LRRC49: variants seen among roughly 807,000 people sequenced by gnomAD.
The protein encoded by LRRC49 is leucine rich repeat containing 49.
LRRC49 carries 50 observed loss-of-function variants against 83.3 expected under a neutral mutation model. That is an observed-to-expected ratio of 0.60 (90% CI 0.48 to 0.76). The LOEUF (loss-of-function observed/expected upper bound fraction) is 0.76. Among genes scored for constraint, LRRC49 ranks in the 30% least tolerant of loss-of-function variants. LRRC49 has a pLI of 0.00. For missense variants in LRRC49, 704 were observed against 809.1 expected, an observed-to-expected ratio of 0.87 and a Z score of 1.58; for synonymous variants, 286 against 283.3, an observed-to-expected ratio of 1.01 and a Z score of -0.10.
At chr15:71,013,931 CT>C (rs1446330046) in intron 14 of LRRC49, among the ~76,000 whole-genome samples, 1 of 152,252 alleles carries the variant, frequency 6.6e-6, no homozygotes, top group Admixed American at 6.5e-5. Flanking sequence ...TTTAGCTGCG[CT>C]GAGGATCAGG....
At chr15:70,947,204 C>T (rs1235883317) in intron 8 of LRRC49, among the ~76,000 whole-genome samples, 1 of 152,068 alleles carries the variant, frequency 6.6e-6, no homozygotes, top group Non-Finnish European at 1.5e-5. Context: ...TTAGGGATAT[C>T]CTGAGGATGT....
At chr15:71,001,762 G>A (rs968205811) in intron 11 of LRRC49, among the ~76,000 whole-genome samples, 8 of 152,054 alleles carry the variant, frequency 5.3e-5, no homozygotes, top group Non-Finnish European at 1.0e-4. Flanking sequence ...CACAATCTCG[G>A]CTCACTGCAA....
intron 13 of LRRC49, among the ~76,000 whole-genome samples, chr15:71,011,190 G>A (rs1252685381): frequency 6.6e-6 from 1 of 152,058 alleles, no homozygotes; most frequent in Non-Finnish European, 1.5e-5. Context: ...CTTCCCCCGA[G>A]GTGAGGTTGT....
chr15:70,859,123 C>T, intron 1 of LRRC49: 1 of 1,367,952 alleles, frequency 7.3e-7, no homozygotes, highest in Non-Finnish European at 1.0e-6. Flanking sequence ...ACAACAAGAA[C>T]AACATGTTCC....
chr15:70,948,310 A>C (rs1041306132), intron 8 of LRRC49, among the ~76,000 whole-genome samples: 1 of 152,106 alleles, frequency 6.6e-6, no homozygotes, highest in Non-Finnish European at 1.5e-5. Context: ...CCTAAGTCTA[A>C]CTTTACTTCA....
At chr15:71,020,821 T>C (rs1333511426) in intron 14 of LRRC49, among the ~76,000 whole-genome samples, 1 of 152,166 alleles carries the variant, frequency 6.6e-6, no homozygotes, top group Non-Finnish European at 1.5e-5. Context: ...AAAGAAATTA[T>C]AAAGCTTATA....
intron 11 of LRRC49, among the ~76,000 whole-genome samples, chr15:70,985,945 T>C (rs1008610238): frequency 1.8e-4 from 26 of 144,846 alleles, no homozygotes; most frequent in Admixed American, 1.2e-3. Context: ...GTTGTAGATA[T>C]GCGGCGTTAT....
chr15:70,919,273 T>G, intron 7 of LRRC49, 80 bp downstream of exon 7: 1 of 1,239,512 alleles, frequency 8.1e-7, no homozygotes, highest in Non-Finnish European at 1.1e-6. Context: ...TATGGCTTTC[T>G]GCAAAGTAAG....
intron 11 of LRRC49, among the ~76,000 whole-genome samples, chr15:70,989,695 A>C (rs925866365): frequency 3.3e-5 from 5 of 152,062 alleles, no homozygotes; most frequent in African/African-American, 1.2e-4. Context: ...ACTTTGGAGG[A>C]GGAGAGGCGC....
intron 2 of LRRC49, 64 bp from the exon 3 acceptor site, chr15:70,895,785 T>G: frequency 1.0e-6 from 1 of 958,842 alleles, no homozygotes; most frequent in Non-Finnish European, 1.6e-6. Context: ...TTTTTTTAAT[T>G]TATCTTCACT....
intron 7 of LRRC49, among the ~76,000 whole-genome samples, chr15:70,921,158 A>G (rs773093338): frequency 2.4e-4 from 37 of 152,202 alleles, no homozygotes; most frequent in Non-Finnish European, 4.6e-4. Context: ...TGAATCCCAC[A>G]CATTTGTGAA....
At chr15:70,976,852 C>G (rs1030555152) in intron 9 of LRRC49, among the ~76,000 whole-genome samples, 1 of 151,656 alleles carries the variant, frequency 6.6e-6, no homozygotes, top group African/African-American at 2.4e-5. Context: ...GGTTTTTTTT[C>G]TAAGTTTAGT....
At chr15:70,943,873 A>G (rs2035911162) in intron 8 of LRRC49, among the ~76,000 whole-genome samples, 2 of 152,144 alleles carry the variant, frequency 1.3e-5, no homozygotes, top group Admixed American at 1.3e-4. Context: ...GAAACAGTGT[A>G]ACAACTGCCT....
intron 8 of LRRC49, among the ~76,000 whole-genome samples, chr15:70,944,605 A>G (rs989061254): frequency 6.6e-6 from 1 of 152,042 alleles, no homozygotes; most frequent in Non-Finnish European, 1.5e-5. Flanking sequence ...GGGTTTTACC[A>G]TGTTGGCCAT....
Position 70,936,749 on chromosome 15 carries a change from A to C in LRRC49, c.712-12A>C. On this transcript the variant is annotated splice_polypyrimidine_tract_variant and intron_variant, in intron 7 of 15. Transcript: ENST00000260382. ...TTCATCTGATTAAGTTTTGCTGTCT[A>C]TTTTCTTCCAGAGAGATGTGGATAA... 6.3e-7 allele frequency: 1 copy of C among 1,583,382 alleles called. No individual in the cohort carries two copies. Among genetic ancestry groups the C allele is most frequent in the Middle Eastern group, 1.7e-4 (1 of 6,004 alleles).
chr15:70,932,938 CA>C (rs2035464502), intron 7 of LRRC49, among the ~76,000 whole-genome samples: 1 of 152,022 alleles, frequency 6.6e-6, no homozygotes. Flanking sequence ...CCACACTGGT[CA>C]GGCTGGTCTC....
intron 1 of LRRC49, 61 bp from the exon 2 acceptor site, chr15:70,893,523 T>G: frequency 2.0e-6 from 2 of 1,000,524 alleles, no homozygotes; most frequent in Non-Finnish European, 3.1e-6. Context: ...CCTTTTTTTT[T>G]TTTGGAAATA....
intron 7 of LRRC49, among the ~76,000 whole-genome samples, chr15:70,928,595 T>G (rs528315142): frequency 8.6e-4 from 131 of 152,242 alleles, no homozygotes; most frequent in African/African-American, 3.1e-3. Flanking sequence ...GAAACAGAGT[T>G]TCACTCTTGT....
intron 2 of LRRC49, among the ~76,000 whole-genome samples, chr15:70,883,582 G>T (rs1250765792): frequency 6.6e-6 from 1 of 151,868 alleles, no homozygotes; most frequent in African/African-American, 2.4e-5. Context: ...ATACTTTATA[G>T]AAGTCTCCTT....
Sources: gnomAD v4.1 joint callset for allele counts (sites outside exome capture counted in the v4.1 genomes callset) on GRCh38, gnomAD v4.1.1 for gene constraint, MANE v1.5 for transcripts, NCBI Gene and HGNC (gene_info 2026-07-23, HGNC 2026-07-21) for gene names.